KLF8: variants seen among roughly 807,000 people sequenced by gnomAD.
KLF8 encodes the protein Krueppel-like factor 8.
KLF8 carries 10 observed loss-of-function variants against 18.2 expected under a neutral mutation model. The observed-to-expected ratio is 0.55, with a 90% confidence interval of 0.34 to 0.93. KLF8 has a LOEUF of 0.93. Ranked by LOEUF, KLF8 falls within the 40% of genes least tolerant of loss-of-function variation. The pLI, the probability that KLF8 is intolerant of heterozygous loss-of-function variation, is 0.02. For missense variants in KLF8, 264 were observed against 277.9 expected (o/e 0.95, Z 0.36); for synonymous variants, 109 against 97.3 (o/e 1.12, Z -0.71).
the KLF8 span, among the ~76,000 whole-genome samples, chrX:56,041,667 T>TTTGTTG: frequency 2.9e-3 from 276 of 96,445 alleles, no homozygotes; most frequent in African/African-American, 9.8e-3. Context: ...TCTCTCTAGT[T>TTTGTTG]TTGTTGTTGT....
chrX:56,033,245 A>C, the KLF8 span, among the ~76,000 whole-genome samples: 47 of 111,450 alleles, frequency 4.2e-4, no homozygotes, highest in Admixed American at 3.6e-3. Context: ...ATTATTTTAT[A>C]TTCAAAATAA....
chrX:56,105,428 T>A, the KLF8 span, among the ~76,000 whole-genome samples: 1 of 111,837 alleles, frequency 8.9e-6, no homozygotes, highest in African/African-American at 3.3e-5. Flanking sequence ...TTTAGGATAG[T>A]TAGCTCTTCT....
chrX:56,161,405 C>A, the KLF8 span, among the ~76,000 whole-genome samples: 462 of 111,730 alleles, frequency 4.1e-3, 3 homozygotes, highest in African/African-American at 0.014. Flanking sequence ...TCAGGTACAC[C>A]AACGAGACTT....
chrX:56,194,484 C>T, the KLF8 span, among the ~76,000 whole-genome samples: 162 of 112,178 alleles, frequency 1.4e-3, 1 homozygote, highest in African/African-American at 4.8e-3. Context: ...GATCAAACTG[C>T]GAGGTGGCAG....
the KLF8 span, among the ~76,000 whole-genome samples, chrX:55,939,415 G>C: frequency 9.0e-6 from 1 of 111,184 alleles, no homozygotes; most frequent in Non-Finnish European, 1.9e-5. Context: ...ATGCCCATAA[G>C]AGAAAACAGG....
the KLF8 span, among the ~76,000 whole-genome samples, chrX:55,992,408 A>G: frequency 7.2e-5 from 8 of 111,863 alleles, no homozygotes; most frequent in Non-Finnish European, 1.1e-4. Context: ...AGATGACTGT[A>G]GGTATGTGGC....
the KLF8 span, among the ~76,000 whole-genome samples, chrX:56,095,914 G>A: frequency 2.7e-5 from 3 of 111,421 alleles, no homozygotes; most frequent in South Asian, 7.5e-4. Context: ...ACTAAAAATA[G>A]AATTATTATT....
At chrX:56,062,156 G>A in the KLF8 span, among the ~76,000 whole-genome samples, 9 of 109,192 alleles carry the variant, frequency 8.2e-5, no homozygotes, top group South Asian at 3.9e-4. Flanking sequence ...CATTCAGCCC[G>A]TTTACTTTTA....
the KLF8 span, among the ~76,000 whole-genome samples, chrX:56,028,596 G>GA: frequency 9.0e-6 from 1 of 111,564 alleles, no homozygotes; most frequent in African/African-American, 3.3e-5. Context: ...CCACGTACTG[G>GA]AGCAAGACGC....
chrX:56,257,174 G>T (rs2066808671), intron 2 of KLF8, among the ~76,000 whole-genome samples: 2 of 111,524 alleles, frequency 1.8e-5, no homozygotes, highest in South Asian at 7.5e-4. Flanking sequence ...GATGCTTGAT[G>T]TTATTTCAGG....
At chrX:56,063,697 C>T in the KLF8 span, among the ~76,000 whole-genome samples, 3 of 111,302 alleles carry the variant, frequency 2.7e-5, no homozygotes, top group African/African-American at 9.8e-5. Flanking sequence ...TGGGAGATCC[C>T]CTGCTCTCTT....
the KLF8 span, among the ~76,000 whole-genome samples, chrX:56,147,024 TGATCAAGA>T: frequency 8.9e-6 from 1 of 111,948 alleles, no homozygotes; most frequent in Non-Finnish European, 1.9e-5. Context: ...GTAGGGAGTT[TGATCAAGA>T]TTCCATTTTA....
At chrX:56,066,009 G>A in the KLF8 span, among the ~76,000 whole-genome samples, 1 of 111,651 alleles carries the variant, frequency 9.0e-6, no homozygotes, top group Non-Finnish European at 1.9e-5. Context: ...ACCCCAAACA[G>A]CTTGCTCAGG....
the KLF8 span, among the ~76,000 whole-genome samples, chrX:56,100,233 A>G: frequency 1.8e-5 from 2 of 111,150 alleles, no homozygotes; most frequent in African/African-American, 6.5e-5. Flanking sequence ...GGATGACAAC[A>G]TATCTGTTTA....
the KLF8 span, among the ~76,000 whole-genome samples, chrX:56,134,348 C>T: frequency 9.0e-6 from 1 of 111,378 alleles, no homozygotes; most frequent in Non-Finnish European, 1.9e-5. Context: ...AAAGGAGAAC[C>T]CAGAAATAAA....
the KLF8 span, among the ~76,000 whole-genome samples, chrX:56,178,477 C>A: frequency 8.9e-6 from 1 of 112,097 alleles, no homozygotes; most frequent in African/African-American, 3.2e-5. Flanking sequence ...TGCAGAAACT[C>A]TTTAGTTTAA....
chrX:56,045,604 C>G, the KLF8 span, among the ~76,000 whole-genome samples: 1 of 111,106 alleles, frequency 9.0e-6, no homozygotes, highest in Non-Finnish European at 1.9e-5. Flanking sequence ...TTTTTGTTTT[C>G]GTAGATGTCT....
the KLF8 span, among the ~76,000 whole-genome samples, chrX:56,165,970 T>C: frequency 1.8e-5 from 2 of 111,613 alleles, no homozygotes; most frequent in Admixed American, 1.9e-4. Context: ...TGTCAAAATC[T>C]TAACTTTTGC....
chrX:56,096,366 C>T, the KLF8 span, among the ~76,000 whole-genome samples: 1 of 111,099 alleles, frequency 9.0e-6, no homozygotes. Flanking sequence ...GTGATAGGTA[C>T]ACTAAAAGCC....
Sources: gnomAD v4.1 joint callset for allele counts (sites outside exome capture counted in the v4.1 genomes callset) on GRCh38, gnomAD v4.1.1 for gene constraint, MANE v1.5 for transcripts, NCBI Gene and HGNC (gene_info 2026-07-23, HGNC 2026-07-21) for gene names.